Variants in PCDHA4 observed in about 807,000 individuals in gnomAD.
PCDHA4 encodes protocadherin alpha-4.
PCDHA4 carries 49 observed loss-of-function variants against 61.4 expected under a neutral mutation model. That is an observed-to-expected ratio of 0.80 (90% CI 0.63 to 1.01). PCDHA4 has a LOEUF of 1.01. PCDHA4 is among the 50% of genes least tolerant of loss of function. The pLI is 0.00. For synonymous variants in PCDHA4, 590 were observed against 550.3 expected, an observed-to-expected ratio of 1.07 and a Z score of -1.01; for missense variants, 1,254 against 1,235.8, an observed-to-expected ratio of 1.01 and a Z score of -0.22.
chr5:140,854,159 CA>C (rs59855104), intron 1 of PCDHA4: 9,606 of 340,020 alleles, frequency 0.028, 6 homozygotes, highest in Non-Finnish European at 0.032. Context: ...GATTCTGTCT[CA>C]AAAAAAAAAA....
intron 1 of PCDHA4, among the ~76,000 whole-genome samples, chr5:140,948,960 G>A (rs900113633): frequency 5.9e-5 from 9 of 151,550 alleles, no homozygotes; most frequent in Non-Finnish European, 1.2e-4. Context: ...TTAAAGCCAC[G>A]AATTTATTAG....
chr5:140,986,236 T>C (rs1213371307), intron 3 of PCDHA4, among the ~76,000 whole-genome samples: 1 of 152,170 alleles, frequency 6.6e-6, no homozygotes. Flanking sequence ...CCCCTCTGTG[T>C]GAGCAGACCC....
In PCDHA4 at chr5:140,941,217, T is replaced by TTC. The variant is rs1483555953; in HGVS notation, c.2386-37730_2386-37729dup. Among the ~76,000 whole-genome samples, 308 of 126,180 alleles carry TTC rather than the reference T, an allele frequency of 2.4e-3. 1 individual carries two copies. Among genetic ancestry groups the TTC allele is most frequent in the African/African-American group, 9.4e-3 (294 of 31,220 alleles). The allele number at this position is 126,180 out of a possible 152,430, so 82.8% of individuals were successfully genotyped here. On this transcript the variant is annotated intron_variant, in intron 1 of 3. Coordinates refer to ENST00000530339, the MANE Select transcript of PCDHA4 (RefSeq NM_018907.4). ...TTTCTTTCTTCCTTTCTTTCTTCCT[T>TTC]TCTTTCTTTCTTTCTTTCTTTCTTT...
At chr5:140,935,178 G>C (rs2090229039) in intron 1 of PCDHA4, among the ~76,000 whole-genome samples, 2 of 152,146 alleles carry the variant, frequency 1.3e-5, no homozygotes, top group African/African-American at 4.8e-5. Context: ...GCTTATTGCT[G>C]CTGGGTCAGT....
chr5:140,854,665 T>C (rs2043184095), intron 1 of PCDHA4: 1 of 150,092 alleles, frequency 6.7e-6, no homozygotes, highest in Non-Finnish European at 1.5e-5. Context: ...AATTAACCCT[T>C]GCATAAGACC....
intron 1 of PCDHA4, chr5:140,830,432 A>G (rs1771060362): frequency 7.4e-6 from 12 of 1,613,462 alleles, no homozygotes; most frequent in South Asian, 2.2e-5. Context: ...ACCTTGTCCT[A>G]TTATGATGGG....
At chr5:140,848,380 T>A in intron 1 of PCDHA4, 1 of 1,186,720 alleles carries the variant, frequency 8.4e-7, no homozygotes, top group Non-Finnish European at 1.2e-6. Context: ...CAATTCTTTT[T>A]CACTCTCTCT....
chr5:140,857,611 G>A (rs987659739), intron 1 of PCDHA4: 1 of 1,596,436 alleles, frequency 6.3e-7, no homozygotes, highest in Admixed American at 1.7e-5. Flanking sequence ...CGCTGCAGCC[G>A]CTGGACCACG....
chr5:140,821,812 C>G, intron 1 of PCDHA4: 6 of 1,613,776 alleles, frequency 3.7e-6, no homozygotes, highest in Non-Finnish European at 5.1e-6. Flanking sequence ...GGGATCCCGG[C>G]TCCTGCTGCT....
chr5:140,895,225 G>A (rs1472993401), intron 1 of PCDHA4, among the ~76,000 whole-genome samples: 1 of 152,050 alleles, frequency 6.6e-6, no homozygotes, highest in African/African-American at 2.4e-5. Flanking sequence ...ATTTTACTGA[G>A]TTTTCTCATC....
intron 1 of PCDHA4, among the ~76,000 whole-genome samples, chr5:140,840,240 T>A (rs1483870006): frequency 1.3e-5 from 2 of 152,050 alleles, no homozygotes; most frequent in Non-Finnish European, 2.9e-5. Context: ...GGAGAATCAC[T>A]ATGCTATAAA....
intron 1 of PCDHA4, chr5:140,822,859 G>T (rs1554128922): frequency 1.2e-6 from 2 of 1,614,176 alleles, no homozygotes; most frequent in South Asian, 1.1e-5. Context: ...CAAAGAGGAC[G>T]CTCCACTCAG....
At chr5:140,967,249 G>A (rs782040791) in intron 1 of PCDHA4, 1 of 1,613,592 alleles carries the variant, frequency 6.2e-7, no homozygotes, top group Non-Finnish European at 8.5e-7. Context: ...GCGAATCGGT[G>A]GCGCCTGGAG....
At chr5:140,877,207 G>T in intron 1 of PCDHA4, 1 of 1,613,796 alleles carries the variant, frequency 6.2e-7, no homozygotes, top group Non-Finnish European at 8.5e-7. Flanking sequence ...CGCAGTTAGC[G>T]AGTTGGTACC....
intron 1 of PCDHA4, among the ~76,000 whole-genome samples, chr5:140,872,710 A>G (rs563009592): frequency 6.5e-4 from 99 of 152,384 alleles, no homozygotes; most frequent in African/African-American, 1.9e-3. Flanking sequence ...AAAGGAAACT[A>G]GGTAAATAAA....
chr5:140,916,028 C>T (rs1554197245), intron 1 of PCDHA4, among the ~76,000 whole-genome samples: 1 of 152,152 alleles, frequency 6.6e-6, no homozygotes, highest in African/African-American at 2.4e-5. Flanking sequence ...TCCCATTCTT[C>T]CCTCCCCTTT....
At chr5:140,871,275 A>C in intron 1 of PCDHA4, 3 of 1,613,900 alleles carry the variant, frequency 1.9e-6, no homozygotes, top group Non-Finnish European at 2.5e-6. Flanking sequence ...GGTGGTCGGC[A>C]ACGCCCACTG....
At chr5:140,871,082 C>G in intron 1 of PCDHA4, 1 of 1,613,246 alleles carries the variant, frequency 6.2e-7, no homozygotes, top group South Asian at 1.1e-5. Context: ...GCGCTGACGG[C>G]CACGGCCACC....
chr5:140,983,429 T>G (rs2097050099), intron 3 of PCDHA4, among the ~76,000 whole-genome samples: 1 of 152,214 alleles, frequency 6.6e-6, no homozygotes, highest in South Asian at 2.1e-4. Flanking sequence ...AGACCACAAA[T>G]TGTGTCTACT....
Sources: gnomAD v4.1 joint callset for allele counts (sites outside exome capture counted in the v4.1 genomes callset) on GRCh38, gnomAD v4.1.1 for gene constraint, MANE v1.5 for transcripts, NCBI Gene and HGNC (gene_info 2026-07-23, HGNC 2026-07-21) for gene names.